Variants in CARMIL1 observed in about 807,000 individuals in gnomAD.
The protein encoded by CARMIL1 is F-actin-uncapping protein LRRC16A.
CARMIL1 carries 90 observed loss-of-function variants against 177.1 expected under a neutral mutation model. The ratio of observed to expected loss-of-function variants is 0.51; its 90% CI spans 0.43 to 0.61. CARMIL1 has a LOEUF of 0.61. CARMIL1 is among the 20% of genes least tolerant of loss of function. The pLI, the probability that CARMIL1 is intolerant of heterozygous loss-of-function variation, is 0.00. For synonymous variants in CARMIL1, 577 were observed against 606.2 expected, an observed-to-expected ratio of 0.95 and a Z score of 0.71; for missense variants, 1,380 against 1,667.0, an observed-to-expected ratio of 0.83 and a Z score of 3.00.
At chr6:25,587,893 A>C (rs1308269928) in intron 31 of CARMIL1, among the ~76,000 whole-genome samples, 1 of 152,204 alleles carries the variant, frequency 6.6e-6, no homozygotes, top group Non-Finnish European at 1.5e-5. Flanking sequence ...CAACAGAGAA[A>C]AGGGGGAAAA....
In CARMIL1 at chr6:25,515,912, TGCAGA is replaced by T. The variant is rs1805944777; in HGVS notation, c.1805+68_1805+72del. On this transcript the variant is annotated intron_variant, in intron 21 of 36. Transcript: ENST00000329474. The surrounding 1 kb of genome is among the most constrained non-coding windows in gnomAD (Gnocchi z 5.0). Reference sequence around the variant, plus strand: ...GGAGCAGATTCCGAACAGCAAGCATTGCAGAGCTGCTGGGCCCGAGGGGACCTGGG... The same window carrying T: ...GGAGCAGATTCCGAACAGCAAGCATTGCTGCTGGGCCCGAGGGGACCTGGG... 6.0e-6 allele frequency: 9 copies of T among 1,490,524 alleles called. 1 individual carries two copies. Among genetic ancestry groups the T allele is most frequent in the African/African-American group, 1.4e-5 (1 of 72,188 alleles). 92.3% of individuals were successfully genotyped at this position (1,490,524 alleles called of 1,614,324 possible). A position where few individuals can be genotyped will look rare whatever the true frequency, so the allele number is the denominator to read the frequency against.
chr6:25,587,075 A>G (rs1562314151), intron 31 of CARMIL1, among the ~76,000 whole-genome samples: 2 of 151,738 alleles, frequency 1.3e-5, no homozygotes, highest in East Asian at 3.9e-4. Context: ...GAGGGAACCT[A>G]TTTTTAAAAA....
intron 35 of CARMIL1, among the ~76,000 whole-genome samples, chr6:25,607,644 A>T (rs1816107478): frequency 6.6e-6 from 1 of 152,218 alleles, no homozygotes; most frequent in Non-Finnish European, 1.5e-5. Context: ...CTAATAATTT[A>T]TCAATGTGCA....
intron 8 of CARMIL1, among the ~76,000 whole-genome samples, chr6:25,454,650 A>C (rs983719394): frequency 6.6e-5 from 10 of 152,204 alleles, no homozygotes; most frequent in African/African-American, 2.4e-4. Context: ...ACAATTTTTT[A>C]CTGTTTTTTT....
intron 15 of CARMIL1, among the ~76,000 whole-genome samples, chr6:25,493,094 A>G (rs1300153064): frequency 6.6e-6 from 1 of 152,200 alleles, no homozygotes; most frequent in Non-Finnish European, 1.5e-5. Flanking sequence ...TGGAGGAGTA[A>G]TTGACTGGGG....
chr6:25,556,942 A>T, intron 29 of CARMIL1, 92 bp downstream of exon 29: 1 of 1,324,014 alleles, frequency 7.6e-7, no homozygotes, highest in East Asian at 2.4e-5. Flanking sequence ...TTTTGAAATC[A>T]GACCAAACAA....
intron 32 of CARMIL1, among the ~76,000 whole-genome samples, chr6:25,596,875 ACACG>A (rs1040893913): frequency 6.0e-5 from 9 of 149,524 alleles, no homozygotes; most frequent in Admixed American, 4.7e-4. Flanking sequence ...ACACACACAC[ACACG>A]TACTCATGTA....
At chr6:25,342,687 T>C (rs34283429) in intron 2 of CARMIL1, among the ~76,000 whole-genome samples, 38,632 of 152,052 alleles carry the variant, frequency 0.25, 4,941 homozygotes, top group South Asian at 0.35. Flanking sequence ...TTCATTTTCA[T>C]CTTATTTTTC....
At chr6:25,545,494 G>C (rs1409387920) in intron 26 of CARMIL1, among the ~76,000 whole-genome samples, 1 of 152,174 alleles carries the variant, frequency 6.6e-6, no homozygotes, top group Non-Finnish European at 1.5e-5. Flanking sequence ...CATTGTGGTA[G>C]AGATCTTTTA....
rs5875031 is a variant in CARMIL1 at position 25,356,050 on chromosome 6, C to CTTT, written c.139-64048_139-64046dup. Among the ~76,000 whole-genome samples, 6 of 120,306 alleles carry CTTT rather than the reference C, an allele frequency of 5.0e-5. No individual in the cohort carries two copies. In the South Asian group the frequency reaches 7.8e-4, roughly 16 times the overall value. The allele number at this position is 120,306 out of a possible 152,430, so 78.9% of individuals were successfully genotyped here. On this transcript the variant is annotated intron_variant, in intron 2 of 36. Coordinates refer to ENST00000329474, the MANE Select transcript of CARMIL1 (RefSeq NM_017640.6). ...CTGGACTTTCCTCCTTCTAAGACTT[C>CTTT]TTTTTTTTTTTTTTTTTTGAGACGG... is the stretch of plus-strand genomic sequence containing the variant.
chr6:25,343,469 C>G (rs1787165020), intron 2 of CARMIL1, among the ~76,000 whole-genome samples: 1 of 152,000 alleles, frequency 6.6e-6, no homozygotes, highest in Non-Finnish European at 1.5e-5. Flanking sequence ...TGATGCTACT[C>G]CTGGCAAGGA....
intron 28 of CARMIL1, among the ~76,000 whole-genome samples, chr6:25,555,933 G>A (rs1008914732): frequency 6.6e-6 from 1 of 152,040 alleles, no homozygotes; most frequent in Non-Finnish European, 1.5e-5. Context: ...TTTGCTGAAT[G>A]CACTTTTGGT....
At chr6:25,592,039 G>GTT (rs569966128) in intron 31 of CARMIL1, among the ~76,000 whole-genome samples, 1 of 148,492 alleles carries the variant, frequency 6.7e-6, no homozygotes, top group South Asian at 2.1e-4. Flanking sequence ...GTAAAACTTT[G>GTT]TTTTTTTTTT....
chr6:25,311,540 CG>C (rs11293298), intron 2 of CARMIL1, among the ~76,000 whole-genome samples: 30,980 of 151,824 alleles, frequency 0.2, 4,013 homozygotes, highest in East Asian at 0.4. Flanking sequence ...ATATATAGAG[CG>C]GGGGAAAAAA....
chr6:25,290,848 C>A (rs1246211045), intron 2 of CARMIL1, among the ~76,000 whole-genome samples: 1 of 152,188 alleles, frequency 6.6e-6, no homozygotes, highest in Non-Finnish European at 1.5e-5. Flanking sequence ...TGCAGTGGCA[C>A]TATCACAATC....
intron 8 of CARMIL1, chr6:25,465,561 T>C (rs1029443688): frequency 4.0e-6 from 1 of 248,706 alleles, no homozygotes; most frequent in Non-Finnish European, 7.7e-6. Flanking sequence ...TCTAAAGAAA[T>C]AAGACTTGTT....
chr6:25,612,198 C>G (rs1321360367), intron 36 of CARMIL1, among the ~76,000 whole-genome samples: 1 of 152,212 alleles, frequency 6.6e-6, no homozygotes, highest in African/African-American at 2.4e-5. Context: ...CTGTAAATGT[C>G]TGAGGTGGTA....
Position 25,509,867 on chromosome 6 carries a change from A to G in CARMIL1, c.1477+130A>G, listed in dbSNP as rs895226320. 27 of 630,196 alleles carry G rather than the reference A, an allele frequency of 4.3e-5. No homozygotes were observed. Among genetic ancestry groups the G allele is most frequent in the Non-Finnish European group, 6.0e-5 (22 of 368,072 alleles). 39.0% of individuals were successfully genotyped at this position (630,196 alleles called of 1,614,324 possible). ...AATTGTTTTTTATTTTTTGACTAAT[A>G]GGGCTTTTAAATTTAACAATGGGGT... On this transcript the variant is annotated intron_variant, in intron 18 of 36. Transcript: ENST00000329474. This position sits in a 1 kb window ranked among gnomAD's most constrained non-coding sequence, Gnocchi z 4.1.
intron 2 of CARMIL1, among the ~76,000 whole-genome samples, chr6:25,324,759 G>A (rs998342406): frequency 1.3e-5 from 2 of 152,162 alleles, no homozygotes; most frequent in African/African-American, 4.8e-5. Flanking sequence ...AGGGTGATGG[G>A]TGCTGTTGGA....
Sources: allele counts gnomAD v4.1 joint callset (sites outside exome capture counted in the v4.1 genomes callset), GRCh38; gene constraint gnomAD v4.1.1; non-coding constraint Gnocchi (gnomAD v3.1); transcripts MANE v1.5; gene names NCBI Gene and HGNC (gene_info 2026-07-23, HGNC 2026-07-21).